ATP13A3: variants seen among roughly 807,000 people sequenced by gnomAD.
ATP13A3 encodes the protein polyamine-transporting ATPase 13A3.
Under a neutral mutation model 158.1 loss-of-function variants are expected in ATP13A3, and 59 were observed. The ratio of observed to expected loss-of-function variants is 0.37; its 90% confidence interval spans 0.30 to 0.46. The LOEUF is 0.46. Ranked by LOEUF, ATP13A3 falls within the 20% of genes least tolerant of loss-of-function variation. The pLI is 1.00. For synonymous variants in ATP13A3, 491 were observed against 504.3 expected, an observed-to-expected ratio of 0.97 and a Z score of 0.35; for missense variants, 1,166 against 1,525.2, an observed-to-expected ratio of 0.76 and a Z score of 3.92.
chr3:194,408,221 C>T (rs903215398), intron 33 of ATP13A3, among the ~76,000 whole-genome samples: 10 of 152,048 alleles, frequency 6.6e-5, no homozygotes, highest in South Asian at 6.2e-4. Context: ...GGTTTCACCA[C>T]GTTGGCCAAG....
rs371042849 is a variant in ATP13A3, at chr3:194,428,667, CAG to C, written c.2947+176_2947+177del. On this transcript the variant is annotated intron_variant, in intron 28 of 33. Coordinates refer to ENST00000645319, the MANE Select transcript of ATP13A3 (RefSeq NM_001367549.1). ...AATATTTCAGGGAAAAAAATAGAGA[CAG>C]AACAATTAAAAAATTGGCGCAAGAT... Among the ~76,000 whole-genome samples, 70 of 152,062 alleles carry C rather than the reference CAG, an allele frequency of 4.6e-4. 2 individuals carry two copies. The highest frequency in any genetic ancestry group is 1.6e-3 in the African/African-American group (65 of 41,472).
intron 14 of ATP13A3, 57 bp downstream of exon 14, chr3:194,446,870 C>A: frequency 7.1e-7 from 1 of 1,415,636 alleles, no homozygotes; most frequent in South Asian, 1.4e-5. Flanking sequence ...AAACATTGAT[C>A]TAAATATTTA....
At chr3:194,462,849 A>G (rs1719755686) in intron 2 of ATP13A3, among the ~76,000 whole-genome samples, 1 of 152,216 alleles carries the variant, frequency 6.6e-6, no homozygotes, top group Admixed American at 6.5e-5. Flanking sequence ...AAAACATGGC[A>G]TATTTCATTA....
chr3:194,438,810 A>G (rs1250229339), intron 17 of ATP13A3, 46 bp downstream of exon 17: 2 of 1,254,428 alleles, frequency 1.6e-6, no homozygotes, highest in South Asian at 1.4e-5. Flanking sequence ...AAAAATAAAT[A>G]TAAGTAACCA....
upstream of ATP13A3, among the ~76,000 whole-genome samples, chr3:194,490,173 T>C (rs985816493): frequency 1.3e-5 from 2 of 152,164 alleles, no homozygotes; most frequent in African/African-American, 4.8e-5. This position sits in a 1 kb window ranked among gnomAD's most constrained non-coding sequence, Gnocchi z 4.4. Context: ...TAAGAAAACA[T>C]ACACCATCAA....
At chr3:194,457,396 AAT>A (rs1358827759) in intron 6 of ATP13A3, among the ~76,000 whole-genome samples, 1 of 152,176 alleles carries the variant, frequency 6.6e-6, no homozygotes, top group African/African-American at 2.4e-5. Context: ...GAAGCTATTC[AAT>A]ATGTTTATTG....
chr3:194,486,761 G>GCCGGC lies in ATP13A3; in HGVS notation c.-289_-285dup, dbSNP rs1038959491. 5 of 150,936 alleles carry GCCGGC rather than the reference G, an allele frequency of 3.3e-5. No homozygotes were observed. Among genetic ancestry groups the GCCGGC allele is most frequent in the Non-Finnish European group, 5.9e-5 (4 of 67,644 alleles). The allele number at this position is 150,936 out of a possible 1,614,324, so 9.3% of individuals were successfully genotyped here. On this transcript the variant is annotated 5_prime_UTR_variant, in exon 1 of 34. Coordinates refer to ENST00000645319, the MANE Select transcript of ATP13A3 (RefSeq NM_001367549.1). Reference sequence around the variant, plus strand: ...GAAGGAGGCGCCGCGGCGGGGCCGGGCCGGCCCTGGGACGTCCGCGCTCTC... The same window carrying GCCGGC: ...GAAGGAGGCGCCGCGGCGGGGCCGGGCCGGCCCGGCCCTGGGACGTCCGCGCTCTC...
In ATP13A3 at chr3:194,459,507, A is replaced by C; in HGVS notation, c.443T>G (p.Phe148Cys). Residue 148 changes from phenylalanine to cysteine, a missense_variant, in exon 6 of 34, where the codon TTC becomes TGC. Physicochemically the swap from Phe to Cys is radical, Grantham distance 205. Coordinates refer to ENST00000645319, the MANE Select transcript of ATP13A3 (RefSeq NM_001367549.1). ...AAAATTGTGAATGGTATCATTCCAG[A>C]AATATTTTACACTATGGTGGGTGAA... ...RYFTHHSVKYFWNDTIHNFDF... is the reference protein window; with the variant it reads ...RYFTHHSVKYCWNDTIHNFDF... The C allele has an allele frequency of 6.2e-7, 1 of 1,603,660 alleles. No individual in the cohort carries two copies. Among genetic ancestry groups the C allele is most frequent in the Non-Finnish European group, 8.5e-7 (1 of 1,171,070 alleles).
At position 194,418,777 on chromosome 3, in the gene ATP13A3, A is replaced by C. The variant is rs187916576; in HGVS notation, c.3402+1102T>G. Reference sequence around the variant, plus strand: ...TCATCATGATACCAGAATACAGCAGAGGAAACTTTTGTCCCTAATGGTTTG... The same window carrying C: ...TCATCATGATACCAGAATACAGCAGCGGAAACTTTTGTCCCTAATGGTTTG... On this transcript the variant is annotated intron_variant, in intron 31 of 33. Coordinates refer to ENST00000645319, the MANE Select transcript of ATP13A3 (RefSeq NM_001367549.1). 5.3e-5 allele frequency among the ~76,000 whole-genome samples: 8 copies of C among 152,346 alleles called. No individual in the cohort carries two copies. The East Asian group carries it at 1.5e-3, about 29-fold the overall frequency.
At chr3:194,473,994 T>C (rs925794283) in intron 2 of ATP13A3, among the ~76,000 whole-genome samples, 1 of 152,164 alleles carries the variant, frequency 6.6e-6, no homozygotes, top group Non-Finnish European at 1.5e-5. Context: ...CACCAAACTG[T>C]TAACATCATC....
intron 8 of ATP13A3, among the ~76,000 whole-genome samples, chr3:194,454,902 G>T (rs76865395): frequency 0.027 from 4,119 of 151,992 alleles, 198 homozygotes; most frequent in African/African-American, 0.096. Context: ...GCTAAATAAG[G>T]TTAATTTAAA....
At chr3:194,458,551 A>AT (rs1457835575) in intron 6 of ATP13A3, among the ~76,000 whole-genome samples, 2 of 151,504 alleles carry the variant, frequency 1.3e-5, no homozygotes, top group East Asian at 1.9e-4. Context: ...CACCAGGCTA[A>AT]TTTTTTTTGT....
intron 22 of ATP13A3, 75 bp downstream of exon 22, chr3:194,431,642 G>A (rs1267774592): frequency 2.2e-6 from 3 of 1,367,424 alleles, no homozygotes; most frequent in Non-Finnish European, 2.9e-6. Flanking sequence ...GTGTTTTAAT[G>A]CACCACTTTT....
intron 2 of ATP13A3, among the ~76,000 whole-genome samples, chr3:194,463,912 C>A (rs867931541): frequency 1.3e-5 from 2 of 152,224 alleles, no homozygotes; most frequent in South Asian, 2.1e-4. Flanking sequence ...GTAATCCCAG[C>A]GCTCTGGGAG....
At chr3:194,407,149 A>G (rs1277097838) in intron 33 of ATP13A3, among the ~76,000 whole-genome samples, 3 of 152,248 alleles carry the variant, frequency 2.0e-5, no homozygotes, top group Non-Finnish European at 2.9e-5. Context: ...TGACTACACC[A>G]GGACTCGTAG....
Position 194,494,018 on chromosome 3 carries a change from C to T in ATP13A3, n.746+32G>A. ...AGGAAAGCTTAAAAATCCCATTTTA[C>T]AGAATGGAAAAAGAGGTGTTCAATA... On this transcript the variant is annotated intron_variant and non_coding_transcript_variant, in intron 2 of 32. Coordinates refer to the ATP13A3 transcript ENST00000687055. The surrounding 1 kb of genome is among the most constrained non-coding windows in gnomAD (Gnocchi z 4.2). 2.5e-6 allele frequency: 1 copy of T among 396,708 alleles called. No individual in the cohort carries two copies. The highest frequency in any genetic ancestry group is 4.4e-6 in the Non-Finnish European group (1 of 225,434). 24.6% of individuals were successfully genotyped at this position (396,708 alleles called of 1,614,324 possible).
intron 30 of ATP13A3, chr3:194,420,222 T>C (rs1716195096): frequency 4.9e-6 from 1 of 204,536 alleles, no homozygotes; most frequent in Non-Finnish European, 9.5e-6. Flanking sequence ...CTTCAGAAAA[T>C]AATCAGCACT....
chr3:194,433,638 G>C (rs917993108), intron 21 of ATP13A3, 134 bp downstream of exon 21: 14 of 1,105,058 alleles, frequency 1.3e-5, no homozygotes, highest in Admixed American at 2.5e-5. Flanking sequence ...AAAATATTCA[G>C]AGCTAAAAGA....
intron 21 of ATP13A3, among the ~76,000 whole-genome samples, 195 bp downstream of exon 21, chr3:194,433,577 A>G (rs1717404935): frequency 6.6e-6 from 1 of 152,192 alleles, no homozygotes; most frequent in Non-Finnish European, 1.5e-5. Flanking sequence ...TTCTATAAAT[A>G]GGATTCGCTA....
Sources: gnomAD v4.1 joint callset for allele counts (sites outside exome capture counted in the v4.1 genomes callset) on GRCh38, gnomAD v4.1.1 for gene constraint, Gnocchi (gnomAD v3.1) non-coding constraint, MANE v1.5 for transcripts, NCBI Gene and HGNC (gene_info 2026-07-23, HGNC 2026-07-21) for gene names.